ADAMTSL1: variants seen among roughly 807,000 people sequenced by gnomAD.
ADAMTSL1 encodes ADAMTS like 1, also known as ADAMTS-like protein 1.
ADAMTSL1 carries 126 observed loss-of-function variants against 201.8 expected under a neutral mutation model. The observed-to-expected ratio is 0.62, with a 90% confidence interval of 0.54 to 0.72. The LOEUF (loss-of-function observed/expected upper bound fraction) is 0.72. Ranked by LOEUF, ADAMTSL1 falls within the 30% of genes least tolerant of loss-of-function variation. The pLI, the probability that ADAMTSL1 is intolerant of heterozygous loss-of-function variation, is 0.00. For missense variants in ADAMTSL1, 2,679 were observed against 2,277.8 expected (o/e 1.18, Z -3.59); for synonymous variants, 1,121 against 903.4 (o/e 1.24, Z -4.32).
At chr9:18,697,607 C>T (rs1265783767) in intron 13 of ADAMTSL1, among the ~76,000 whole-genome samples, 2 of 152,126 alleles carry the variant, frequency 1.3e-5, no homozygotes, top group Non-Finnish European at 2.9e-5. Context: ...GTAATGTTCA[C>T]TTATTATTGC....
chr9:18,241,333 T>C (rs1276788136), intron 2 of ADAMTSL1, among the ~76,000 whole-genome samples: 1 of 152,184 alleles, frequency 6.6e-6, no homozygotes, highest in African/African-American at 2.4e-5. Flanking sequence ...TTCTTTGCTG[T>C]TGCCTCTGTA....
chr9:18,462,816 G>T (rs1820857824), intron 2 of ADAMTSL1, among the ~76,000 whole-genome samples: 1 of 152,036 alleles, frequency 6.6e-6, no homozygotes, highest in Non-Finnish European at 1.5e-5. Context: ...GCACGCACCT[G>T]TAATTCTAGC....
In ADAMTSL1 at chr9:18,706,951, C is replaced by G. The variant is rs779246681; in HGVS notation, c.1779C>G (p.Asp593Glu). ...GGGAAATTCCTGAGTTCAACCCAGA[C>G]GAGACAGATGGGCTCTTTGGTGGCC... ...CSGEIPEFNP[D>E]ETDGLFGGLQ... Residue 593 changes from aspartate (D) to glutamate (E), a missense_variant, in exon 14 of 29, where the codon GAC (aspartate) becomes GAG (glutamate). Physicochemically the swap from Asp to Glu is conservative, Grantham distance 45. Transcript: ENST00000380548. 4 of 1,613,834 alleles carry G rather than the reference C, an allele frequency of 2.5e-6. No homozygotes were observed. The East Asian group carries it at 6.7e-5, about 27-fold the overall frequency.
intron 1 of ADAMTSL1, among the ~76,000 whole-genome samples, chr9:18,006,539 A>C (rs2131545584): frequency 6.6e-6 from 1 of 152,064 alleles, no homozygotes; most frequent in African/African-American, 2.4e-5. Flanking sequence ...TAAATCGATA[A>C]ATTGATGAAT....
At chr9:18,878,006 G>T (rs1293015666) in intron 23 of ADAMTSL1, among the ~76,000 whole-genome samples, 1 of 152,148 alleles carries the variant, frequency 6.6e-6, no homozygotes, top group Non-Finnish European at 1.5e-5. Flanking sequence ...ATTCCCAGGG[G>T]GATTATGGCT....
At chr9:18,807,160 A>AT (rs1048768055) in intron 20 of ADAMTSL1, among the ~76,000 whole-genome samples, 13 of 152,020 alleles carry the variant, frequency 8.6e-5, no homozygotes, top group African/African-American at 3.1e-4. Flanking sequence ...CGGTTTCCTT[A>AT]TTTTTTCTTC....
intron 1 of ADAMTSL1, among the ~76,000 whole-genome samples, chr9:18,021,163 T>C (rs1820466615): frequency 6.6e-6 from 1 of 152,156 alleles, no homozygotes; most frequent in South Asian, 2.1e-4. Context: ...GAGAAGCACT[T>C]GTGAGACTGG....
chr9:18,710,666 G>GTTTTT (rs1425680179), intron 14 of ADAMTSL1, among the ~76,000 whole-genome samples: 1 of 92,618 alleles, frequency 1.1e-5, no homozygotes, highest in Non-Finnish European at 2.2e-5. Flanking sequence ...CCTAAGTTTT[G>GTTTTT]TTTTGTTTTT....
At chr9:18,746,304 A>G (rs894272746) in intron 15 of ADAMTSL1, among the ~76,000 whole-genome samples, 13 of 152,112 alleles carry the variant, frequency 8.5e-5, no homozygotes, top group Non-Finnish European at 1.6e-4. Context: ...TGCATCCTAG[A>G]CCCTGTACGT....
intron 14 of ADAMTSL1, among the ~76,000 whole-genome samples, chr9:18,709,509 C>A (rs570207732): frequency 2.2e-4 from 34 of 152,290 alleles, no homozygotes; most frequent in African/African-American, 8.2e-4. Flanking sequence ...TTTCACCTAG[C>A]AGAGGTAGCA....
chr9:18,454,326 C>T (rs775192325), intron 2 of ADAMTSL1, among the ~76,000 whole-genome samples: 1 of 152,166 alleles, frequency 6.6e-6, no homozygotes, highest in Non-Finnish European at 1.5e-5. Context: ...ATTATTTTCT[C>T]TCCTTTTTTG....
chr9:17,970,674 T>C (rs765141147), intron 1 of ADAMTSL1, among the ~76,000 whole-genome samples: 3 of 152,042 alleles, frequency 2.0e-5, no homozygotes, highest in Non-Finnish European at 1.5e-5. Flanking sequence ...AGCTCATGCA[T>C]CATCTTCTGC....
At chr9:18,172,546 G>A (rs1296228102) in intron 2 of ADAMTSL1, among the ~76,000 whole-genome samples, 1 of 152,008 alleles carries the variant, frequency 6.6e-6, no homozygotes, top group East Asian at 1.9e-4. Context: ...GCATAAATTG[G>A]TATAACCACT....
At chr9:18,507,867 C>A (rs1817780426) in intron 2 of ADAMTSL1, among the ~76,000 whole-genome samples, 1 of 152,120 alleles carries the variant, frequency 6.6e-6, no homozygotes, top group African/African-American at 2.4e-5. Flanking sequence ...GAGACCTTAT[C>A]CTAAGTGTCA....
At chr9:18,043,360 A>C (rs199615183) in intron 1 of ADAMTSL1, among the ~76,000 whole-genome samples, 1 of 152,124 alleles carries the variant, frequency 6.6e-6, no homozygotes, top group African/African-American at 2.4e-5. Context: ...TCCTTAAAAA[A>C]TTTTTTGGGG....
intron 17 of ADAMTSL1, 145 bp downstream of exon 17, chr9:18,770,926 G>A (rs140943959): frequency 3.4e-6 from 3 of 885,462 alleles, no homozygotes; most frequent in African/African-American, 1.7e-5. Context: ...ATATACCGTA[G>A]TGTGTAACTA....
intron 9 of ADAMTSL1, 115 bp from the exon 10 acceptor site, chr9:18,675,742 A>T: frequency 1.1e-6 from 1 of 931,650 alleles, no homozygotes; most frequent in Non-Finnish European, 1.7e-6. Flanking sequence ...TTATAGATAC[A>T]ATTTATTAAT....
chr9:18,781,451 C>T (rs1821390476), intron 19 of ADAMTSL1, among the ~76,000 whole-genome samples: 2 of 152,136 alleles, frequency 1.3e-5, no homozygotes, highest in South Asian at 2.1e-4. Flanking sequence ...GTTGGCTGTT[C>T]AATAAGAAAT....
intron 2 of ADAMTSL1, among the ~76,000 whole-genome samples, chr9:18,201,424 A>G (rs1345216479): frequency 1.3e-5 from 2 of 152,142 alleles, no homozygotes; most frequent in East Asian, 3.9e-4. Flanking sequence ...ACTTTCATAT[A>G]GTTTTTCTGA....
Sources: allele counts gnomAD v4.1 joint callset (sites outside exome capture counted in the v4.1 genomes callset), GRCh38; gene constraint gnomAD v4.1.1; transcripts MANE v1.5; gene names NCBI Gene and HGNC (gene_info 2026-07-23, HGNC 2026-07-21).